The following NR2F1-AS1 variants were observed in gnomAD, a reference collection of about 807,000 sequenced individuals.
NR2F1-AS1 encodes NR2F1 antisense RNA 1.
intron 4 of NR2F1-AS1, among the ~76,000 whole-genome samples, chr5:93,540,798 ATAAAATTGTGGTACAGC>A (rs750138689): frequency 1.5e-4 from 23 of 152,222 alleles, no homozygotes; most frequent in Non-Finnish European, 2.9e-4. Context: ...GGAAAATACA[ATAAAATTGTGGTACAGC>A]TGAAATTGAG....
rs1749650703 is a variant in NR2F1-AS1 at position 93,444,551 on chromosome 5, A to G, written n.639-49009T>C. ...AGAGGAGCACCCAGATTCATAAAGT[A>G]AGTCCTTAGAGACCTACAAAGAGAT... On this transcript the variant is annotated intron_variant and non_coding_transcript_variant, in intron 4 of 5. Coordinates refer to ENST00000660523, the Ensembl canonical transcript of NR2F1-AS1. 2.0e-5 allele frequency among the ~76,000 whole-genome samples: 3 copies of G among 152,194 alleles called. No individual in the cohort carries two copies. In the South Asian group the frequency reaches 6.2e-4, roughly 31 times the overall value.
intron 4 of NR2F1-AS1, among the ~76,000 whole-genome samples, chr5:93,427,915 AG>A (rs1164699361): frequency 3.0e-5 from 3 of 100,354 alleles, no homozygotes; most frequent in Non-Finnish European, 5.5e-5. Context: ...TGAAAGAGAG[AG>A]AAAGAGAGAG....
intron 4 of NR2F1-AS1, among the ~76,000 whole-genome samples, chr5:93,523,055 G>A (rs370313312): frequency 1.4e-4 from 22 of 152,124 alleles, no homozygotes; most frequent in East Asian, 3.9e-4. Flanking sequence ...GGTCTATAGC[G>A]GATCCCACTC....
chr5:93,463,439 G>T (rs1421379144), intron 4 of NR2F1-AS1, among the ~76,000 whole-genome samples: 4 of 152,186 alleles, frequency 2.6e-5, no homozygotes, highest in Admixed American at 6.5e-5. Flanking sequence ...CCTCTGCTTG[G>T]GCAGTGTGGA....
chr5:93,479,829 T>C (rs1379970721), intron 4 of NR2F1-AS1, among the ~76,000 whole-genome samples: 2 of 149,956 alleles, frequency 1.3e-5, no homozygotes, highest in East Asian at 3.9e-4. Context: ...GAAATATCAA[T>C]AAAGGAATAG....
intron 2 of NR2F1-AS1, among the ~76,000 whole-genome samples, chr5:93,557,337 C>T (rs1402406285): frequency 6.6e-6 from 1 of 152,140 alleles, no homozygotes; most frequent in African/African-American, 2.4e-5. Flanking sequence ...TGAAGTAACA[C>T]ATACTTCAAT....
chr5:93,566,130 T>G (rs539923205), intron 1 of NR2F1-AS1, among the ~76,000 whole-genome samples: 3 of 152,062 alleles, frequency 2.0e-5, no homozygotes, highest in South Asian at 4.2e-4. Context: ...GTGTAAAAAC[T>G]AAGTGCCTCC....
intron 4 of NR2F1-AS1, among the ~76,000 whole-genome samples, chr5:93,499,507 T>G (rs1187572228): frequency 6.6e-6 from 1 of 152,152 alleles, no homozygotes; most frequent in African/African-American, 2.4e-5. Flanking sequence ...TTGTCATTGT[T>G]TGAGGCACCA....
intron 4 of NR2F1-AS1, among the ~76,000 whole-genome samples, chr5:93,427,914 G>GAGAA (rs111617547): frequency 0.2 from 30,215 of 151,876 alleles, 4,458 homozygotes; most frequent in African/African-American, 0.42. Flanking sequence ...GTGAAAGAGA[G>GAGAA]AGAAAGAGAG....
chr5:93,563,869 G>A (rs1231148252), intron 1 of NR2F1-AS1, among the ~76,000 whole-genome samples: 1 of 151,994 alleles, frequency 6.6e-6, no homozygotes. Flanking sequence ...TTGGGAAGCT[G>A]AGGTGGGCGG....
intron 4 of NR2F1-AS1, among the ~76,000 whole-genome samples, chr5:93,494,945 G>A (rs897763114): frequency 2.6e-5 from 4 of 152,110 alleles, no homozygotes; most frequent in African/African-American, 9.6e-5. Context: ...AGAACAACAG[G>A]TCACATATTG....
At chr5:93,454,397 G>C (rs1391661171) in intron 4 of NR2F1-AS1, among the ~76,000 whole-genome samples, 3 of 152,142 alleles carry the variant, frequency 2.0e-5, no homozygotes, top group Admixed American at 6.6e-5. Flanking sequence ...TATTTAGTAA[G>C]CTTTTGTGAT....
At chr5:93,426,708 G>T (rs1047165284) in intron 4 of NR2F1-AS1, among the ~76,000 whole-genome samples, 2 of 152,156 alleles carry the variant, frequency 1.3e-5, no homozygotes, top group Admixed American at 1.3e-4. Context: ...CCCCTGGCAG[G>T]GGGTAACCAC....
intron 4 of NR2F1-AS1, among the ~76,000 whole-genome samples, chr5:93,489,640 C>T (rs1750796237): frequency 6.6e-6 from 1 of 152,060 alleles, no homozygotes; most frequent in African/African-American, 2.4e-5. Context: ...AGAAGTGAGA[C>T]AGCCTAATTT....
intron 4 of NR2F1-AS1, among the ~76,000 whole-genome samples, chr5:93,532,994 A>T (rs927638024): frequency 3.3e-5 from 5 of 152,350 alleles, no homozygotes; most frequent in Non-Finnish European, 5.9e-5. Context: ...TAAATTTATC[A>T]GTACACAACA....
Position 93,507,387 on chromosome 5 carries a change from C to T in NR2F1-AS1, n.638+46374G>A, listed in dbSNP as rs201907031. 7.2e-5 allele frequency among the ~76,000 whole-genome samples: 11 copies of T among 151,878 alleles called. 1 individual carries two copies. Among genetic ancestry groups the T allele is most frequent in the African/African-American group, 2.7e-4 (11 of 41,412 alleles). On this transcript the variant is annotated intron_variant and non_coding_transcript_variant, in intron 4 of 5. Transcript: ENST00000660523. Reference sequence around the variant, plus strand: ...TTTGTTTTGTTTGGAGACGAAGTCTCGCTCTTGTTGCCCAGGCTGGAGTGC... The same window carrying T: ...TTTGTTTTGTTTGGAGACGAAGTCTTGCTCTTGTTGCCCAGGCTGGAGTGC...
chr5:93,579,951 GC>G lies in NR2F1-AS1; in HGVS notation n.313+515del, dbSNP rs1236201488. Among the ~76,000 whole-genome samples, 6 of 152,218 alleles carry G rather than the reference GC, an allele frequency of 3.9e-5. No individual in the cohort carries two copies. The highest frequency in any genetic ancestry group is 8.8e-5 in the Non-Finnish European group (6 of 68,040). On this transcript the variant is annotated intron_variant and non_coding_transcript_variant, in intron 1 of 5. Coordinates refer to ENST00000660523, the Ensembl canonical transcript of NR2F1-AS1. The surrounding 1 kb of genome is among the most constrained non-coding windows in gnomAD (Gnocchi z 5.1). ...ATCGATCGCGTTACATTAGGGGATG[GC>G]GTTACAAACGGCGTCCGCAGGTGGG...
chr5:93,487,855 T>C (rs1050180074), intron 4 of NR2F1-AS1, among the ~76,000 whole-genome samples: 2 of 152,132 alleles, frequency 1.3e-5, no homozygotes, highest in African/African-American at 4.8e-5. Flanking sequence ...ACTACAAGGC[T>C]ACAGTATTCA....
chr5:93,526,032 CA>C (rs1201609320), intron 4 of NR2F1-AS1, among the ~76,000 whole-genome samples: 6 of 151,782 alleles, frequency 4.0e-5, no homozygotes, highest in South Asian at 2.1e-4. Flanking sequence ...GAGATAGACA[CA>C]AAAAAACCCT....
Sources: allele counts gnomAD v4.1 joint callset (sites outside exome capture counted in the v4.1 genomes callset), GRCh38; gene constraint gnomAD v4.1.1; non-coding constraint Gnocchi (gnomAD v3.1); transcripts MANE v1.5; gene names NCBI Gene and HGNC (gene_info 2026-07-23, HGNC 2026-07-21).